The following MUC13 variants were observed in gnomAD, a reference collection of about 807,000 sequenced individuals.
MUC13 encodes mucin-13.
Under a neutral mutation model 48.3 loss-of-function variants are expected in MUC13, and 32 were observed. The ratio of observed to expected loss-of-function variants is 0.66; its 90% CI spans 0.50 to 0.89. The LOEUF is 0.89. Ranked by LOEUF, MUC13 falls within the 40% of genes least tolerant of loss-of-function variation. The pLI, the probability that MUC13 is intolerant of heterozygous loss-of-function variation, is 0.00. For synonymous variants in MUC13, 199 were observed against 224.9 expected (o/e 0.88, Z 1.03); for missense variants, 571 against 622.8 (o/e 0.92, Z 0.88).
In MUC13 at chr3:124,908,324, A is replaced by G; in HGVS notation, c.1362T>C (p.Ile454=). The change falls in exon 11 of 12, where the codon ATT becomes ATC. Residue 454 remains isoleucine, a synonymous_variant. Transcript: ENST00000616727. ...TARSNNKTKH[I]EEENLIDEDF... ...CTTCGTCAATCAAGTTCTCTTCTTC[A>G]ATATGCTTCGTTTTGTTATTTGATC... 1.2e-6 allele frequency: 2 copies of G among 1,614,170 alleles called. No homozygotes were observed. Among genetic ancestry groups the G allele is most frequent in the Non-Finnish European group, 1.7e-6 (2 of 1,180,022 alleles).
chr3:124,907,039 C>A (rs1055697270), intron 11 of MUC13, among the ~76,000 whole-genome samples: 1 of 152,192 alleles, frequency 6.6e-6, no homozygotes, highest in East Asian at 1.9e-4. Context: ...TTCAATCACA[C>A]TAAGCAGTGA....
At chr3:124,917,447 GCTTATCCTGCCGC>G (rs1327911809) in intron 5 of MUC13, among the ~76,000 whole-genome samples, 1 of 151,208 alleles carries the variant, frequency 6.6e-6, no homozygotes, top group Non-Finnish European at 1.5e-5. Flanking sequence ...CCTGGGCTCA[GCTTATCCTGCCGC>G]CTCAGTCTCC....
chr3:124,911,588 T>G (rs969203098), intron 9 of MUC13, among the ~76,000 whole-genome samples: 1 of 152,092 alleles, frequency 6.6e-6, no homozygotes, highest in African/African-American at 2.4e-5. Context: ...AATTGAAAAT[T>G]TAAAGTTAGT....
chr3:124,915,662 A>G (rs753702992), intron 6 of MUC13, among the ~76,000 whole-genome samples: 3 of 152,204 alleles, frequency 2.0e-5, no homozygotes, highest in Non-Finnish European at 4.4e-5. Context: ...CTACAGCTAC[A>G]TGGTGGGTTC....
chr3:124,907,020 A>G (rs1935330523), intron 11 of MUC13, among the ~76,000 whole-genome samples: 1 of 152,036 alleles, frequency 6.6e-6, no homozygotes, highest in Non-Finnish European at 1.5e-5. Context: ...TCCTTCTTTC[A>G]ACATTTCATT....
At chr3:124,929,088 G>A (rs949073703) in intron 1 of MUC13, among the ~76,000 whole-genome samples, 16 of 151,930 alleles carry the variant, frequency 1.1e-4, no homozygotes, top group South Asian at 2.1e-4. Context: ...TATCAAAGTC[G>A]CATTTTCACA....
intron 8 of MUC13, among the ~76,000 whole-genome samples, chr3:124,912,622 T>C (rs369118610): frequency 6.6e-6 from 1 of 152,348 alleles, no homozygotes; most frequent in Admixed American, 6.5e-5. Context: ...GTGTGTTTCC[T>C]GGAGCATAGA....
Position 124,934,606 on chromosome 3 carries a change from A to G in MUC13, c.52+55T>C, listed in dbSNP as rs1935851751. On this transcript the variant is annotated intron_variant, in intron 1 of 11. Transcript: ENST00000616727. Reference sequence around the variant, plus strand: ...TGGTAGCTATAGGCCTGCTGATTCTACCTCAAAGACAACATACATGATTGG... The same window carrying G: ...TGGTAGCTATAGGCCTGCTGATTCTGCCTCAAAGACAACATACATGATTGG... 2.3e-6 allele frequency: 3 copies of G among 1,285,696 alleles called. No individual in the cohort carries two copies. The Admixed American group carries it at 5.1e-5, about 22-fold the overall frequency. 79.6% of individuals were successfully genotyped at this position (1,285,696 alleles called of 1,614,324 possible). A position where few individuals can be genotyped will look rare whatever the true frequency, so the allele number is the denominator to read the frequency against.
At chr3:124,921,886 T>C (rs997664242) in intron 4 of MUC13, among the ~76,000 whole-genome samples, 1 of 152,254 alleles carries the variant, frequency 6.6e-6, no homozygotes, top group African/African-American at 2.4e-5. Context: ...TATAAAACAA[T>C]GGGTATGGTA....
At chr3:124,913,715 G>T in intron 6 of MUC13, 34 bp from the exon 7 acceptor site, 1 of 1,612,704 alleles carries the variant, frequency 6.2e-7, no homozygotes, top group Non-Finnish European at 8.5e-7. Flanking sequence ...AATATATTCA[G>T]CATGACAATA....
intron 5 of MUC13, 176 bp downstream of exon 5, chr3:124,920,058 T>A (rs1935569531): frequency 3.0e-6 from 2 of 670,780 alleles, no homozygotes; most frequent in Admixed American, 3.1e-5. Context: ...TGGGGTGACA[T>A]CAGAGGCAGG....
rs12732 is a variant in MUC13, at chr3:124,905,721, A to G, written c.*1022T>C. The G allele has an allele frequency of 0.17, 25,405 of 152,962 alleles. 2,337 individuals are homozygous for G. The highest frequency in any genetic ancestry group is 0.22 in the South Asian group (1,066 of 4,824). The allele number at this position is 152,962 out of a possible 1,614,324, so 9.5% of individuals were successfully genotyped here. A position where few individuals can be genotyped will look rare whatever the true frequency, so the allele number is the denominator to read the frequency against. Reference sequence around the variant, plus strand: ...TCAGAAACCTACACCCCGAGGCTGGACGGCTGGACTCCTGAGCACAAGCTC... The same window carrying G: ...TCAGAAACCTACACCCCGAGGCTGGGCGGCTGGACTCCTGAGCACAAGCTC... On this transcript the variant is annotated 3_prime_UTR_variant, in exon 12 of 12. Transcript: ENST00000616727.
At chr3:124,913,055 C>G (rs1195703266) in intron 8 of MUC13, 56 bp downstream of exon 8, 1 of 1,591,680 alleles carries the variant, frequency 6.3e-7, no homozygotes, top group Non-Finnish European at 8.6e-7. Context: ...TGTAAGGTCT[C>G]TCTACTTTGC....
rs754188955 is a variant in MUC13 at position 124,908,247 on chromosome 3, T to C, written c.1439A>G (p.Glu480Gly). The C allele has an allele frequency of 7.4e-6, 12 of 1,614,184 alleles. No individual in the cohort carries two copies. The highest frequency in any genetic ancestry group is 1.0e-5 in the Non-Finnish European group (12 of 1,180,028). The change falls in exon 11 of 12, where the codon GAA becomes GGA. Residue 480 changes from glutamate to glycine, a missense_variant. Glu to Gly is a moderately conservative substitution (Grantham distance 98). Transcript: ENST00000616727. Reference protein sequence around the residue: ...RSTGFTNLGAEGSVFPKVRIT... With the variant: ...RSTGFTNLGAGGSVFPKVRIT... ...CCTGACCTTAGGAAAGACGCTCCCT[T>C]CTGCTCCAAGATTGGTGAAGCCTGT...
chr3:124,916,319 T>C lies in MUC13; in HGVS notation c.962A>G (p.Asp321Gly), dbSNP rs1559998081. The change falls in exon 6 of 12, where the codon GAT becomes GGT. Residue 321 changes from aspartate (D) to glycine (G), a missense_variant and splice_region_variant. Physicochemically the swap from Asp to Gly is moderately conservative, Grantham distance 94. Coordinates refer to ENST00000616727, the MANE Select transcript of MUC13 (RefSeq NM_033049.4). ...GAATAAAATTATACAATACTTACAA[T>C]CATAGTTTAGAAAGTTGCTTGAGCT... The part of the protein sequence containing the change: ...RSSSSNFLNY[D>G]LTLRCDYYGC... The C allele has an allele frequency of 3.7e-6, 6 of 1,608,590 alleles. No homozygotes were observed. In the Admixed American group the frequency reaches 8.4e-5, roughly 22 times the overall value.
At chr3:124,930,346 C>T (rs1935773616) in intron 1 of MUC13, among the ~76,000 whole-genome samples, 1 of 53,352 alleles carries the variant, frequency 1.9e-5, no homozygotes, top group Non-Finnish European at 5.0e-5. Flanking sequence ...CTGTGAATAG[C>T]TACGATTTTT....
chr3:124,929,876 C>A (rs538474011), intron 1 of MUC13, among the ~76,000 whole-genome samples: 2 of 152,256 alleles, frequency 1.3e-5, no homozygotes, highest in South Asian at 4.2e-4. Context: ...AAGCCAAGAC[C>A]CCCGAGGAAC....
chr3:124,910,605 G>A (rs1935404405), intron 9 of MUC13, 106 bp from the exon 10 acceptor site: 16 of 1,507,506 alleles, frequency 1.1e-5, no homozygotes, highest in Non-Finnish European at 1.4e-5. Flanking sequence ...AAGACGATCA[G>A]GTTCTGGTCT....
chr3:124,930,372 C>G (rs941249639), intron 1 of MUC13, among the ~76,000 whole-genome samples: 11 of 151,936 alleles, frequency 7.2e-5, no homozygotes, highest in African/African-American at 1.9e-4. Flanking sequence ...AACTAAAATA[C>G]ACTTGTGTGT....
Sources: gnomAD v4.1 joint callset for allele counts (sites outside exome capture counted in the v4.1 genomes callset) on GRCh38, gnomAD v4.1.1 for gene constraint, MANE v1.5 for transcripts, NCBI Gene and HGNC (gene_info 2026-07-23, HGNC 2026-07-21) for gene names.